ACYP2: variants seen among roughly 807,000 people sequenced by gnomAD.
ACYP2 encodes the protein acylphosphatase-2.
ACYP2 carries 12 observed loss-of-function variants against 11.2 expected under a neutral mutation model. The observed-to-expected ratio is 1.08, with a 90% CI of 0.69 to 1.74. The LOEUF (loss-of-function observed/expected upper bound fraction) is 1.74, where lower values mean the gene tolerates loss of function less well. Ranked by LOEUF, ACYP2 falls within the 40% of genes most tolerant of loss-of-function variation. The pLI is 0.00. For synonymous variants in ACYP2, 43 were observed against 32.2 expected, an observed-to-expected ratio of 1.33 and a Z score of -1.13; for missense variants, 134 against 101.9, an observed-to-expected ratio of 1.31 and a Z score of -1.35.
chr2:54,100,753 C>T (rs1170506020), intron 4 of ACYP2, among the ~76,000 whole-genome samples: 2 of 152,152 alleles, frequency 1.3e-5, no homozygotes, highest in African/African-American at 2.4e-5. Flanking sequence ...AGCCGATTCA[C>T]AGGGAACTAT....
intron 6 of ACYP2, among the ~76,000 whole-genome samples, chr2:54,201,646 CTT>C (rs1250413188): frequency 2.7e-5 from 2 of 75,006 alleles, no homozygotes; most frequent in African/African-American, 5.0e-5. Flanking sequence ...CTCTTTCTTT[CTT>C]TCTTTCTTTC....
chr2:54,103,033 G>T (rs1678981855), intron 4 of ACYP2, among the ~76,000 whole-genome samples: 1 of 152,136 alleles, frequency 6.6e-6, no homozygotes, highest in Non-Finnish European at 1.5e-5. Flanking sequence ...TGGGTTATAT[G>T]CCACCCCTGC....
intron 6 of ACYP2, among the ~76,000 whole-genome samples, chr2:54,169,321 C>T (rs1009881881): frequency 1.3e-5 from 2 of 152,188 alleles, no homozygotes; most frequent in Non-Finnish European, 1.5e-5. Context: ...GCTTGGAGCA[C>T]ACCCATGAGA....
At chr2:54,249,956 A>G (rs1292876806) in intron 6 of ACYP2, among the ~76,000 whole-genome samples, 1 of 151,282 alleles carries the variant, frequency 6.6e-6, no homozygotes, top group Non-Finnish European at 1.5e-5. Context: ...AAAAAAAAAA[A>G]AAAAAAAAAA....
At chr2:54,085,269 C>T (rs1004760072) in intron 4 of ACYP2, among the ~76,000 whole-genome samples, 1 of 152,076 alleles carries the variant, frequency 6.6e-6, no homozygotes, top group Non-Finnish European at 1.5e-5. Context: ...GGCGGGTCCA[C>T]GTGGTGGCAC....
At chr2:54,198,477 GC>G (rs1290388521) in intron 6 of ACYP2, among the ~76,000 whole-genome samples, 1 of 152,092 alleles carries the variant, frequency 6.6e-6, no homozygotes, top group Non-Finnish European at 1.5e-5. Context: ...AAATGTGGGG[GC>G]TCTTGTTCAA....
intron 4 of ACYP2, among the ~76,000 whole-genome samples, chr2:54,107,327 C>T (rs1349616756): frequency 6.6e-6 from 1 of 152,038 alleles, no homozygotes; most frequent in Non-Finnish European, 1.5e-5. Flanking sequence ...TATAATCTTT[C>T]AACAGCAATT....
intron 6 of ACYP2, among the ~76,000 whole-genome samples, chr2:54,242,299 C>G (rs1686760751): frequency 6.6e-6 from 1 of 152,180 alleles, no homozygotes; most frequent in African/African-American, 2.4e-5. Flanking sequence ...ATAGAATACC[C>G]TTTGAGAATT....
intron 6 of ACYP2, among the ~76,000 whole-genome samples, chr2:54,267,039 C>T (rs1688063252): frequency 6.6e-6 from 1 of 152,196 alleles, no homozygotes; most frequent in Non-Finnish European, 1.5e-5. Context: ...CCATTCTCAG[C>T]TACAAAAGAG....
At chr2:54,095,372 C>T (rs1231029857) in intron 4 of ACYP2, among the ~76,000 whole-genome samples, 1 of 152,270 alleles carries the variant, frequency 6.6e-6, no homozygotes, top group Non-Finnish European at 1.5e-5. Context: ...CCATTGTCAT[C>T]CTGGCCCGTT....
intron 6 of ACYP2, among the ~76,000 whole-genome samples, chr2:54,200,938 A>G (rs1001288334): frequency 1.3e-5 from 2 of 152,088 alleles, no homozygotes. Context: ...CTTTTTTATT[A>G]TAACTATTCT....
intron 6 of ACYP2, among the ~76,000 whole-genome samples, chr2:54,150,061 T>TA (rs1194516704): frequency 6.6e-6 from 1 of 152,166 alleles, no homozygotes; most frequent in Admixed American, 6.5e-5. Context: ...TAAATGTATA[T>TA]AATGGTGGAA....
chr2:54,034,152 G>GTT (rs1674744965), intron 2 of ACYP2, among the ~76,000 whole-genome samples: 1 of 152,202 alleles, frequency 6.6e-6, no homozygotes, highest in African/African-American at 2.4e-5. Flanking sequence ...GAGGTCAGGA[G>GTT]TTTGAGACCA....
chr2:54,293,653 G>T (rs1689403861), intron 6 of ACYP2, among the ~76,000 whole-genome samples: 1 of 152,188 alleles, frequency 6.6e-6, no homozygotes, highest in Non-Finnish European at 1.5e-5. Flanking sequence ...GTTATTAATG[G>T]CCAGATGTTG....
chr2:54,280,659 G>A (rs1003727858), intron 6 of ACYP2, among the ~76,000 whole-genome samples: 2 of 152,136 alleles, frequency 1.3e-5, no homozygotes, highest in African/African-American at 4.8e-5. Context: ...CAAGTAAGAT[G>A]GCAAAACAAT....
intron 6 of ACYP2, among the ~76,000 whole-genome samples, chr2:54,177,827 C>A (rs1022910538): frequency 6.7e-6 from 1 of 150,272 alleles, no homozygotes; most frequent in Non-Finnish European, 1.5e-5. Flanking sequence ...GATTCGCCCC[C>A]ACTCGGCCTC....
intron 6 of ACYP2, among the ~76,000 whole-genome samples, chr2:54,222,825 A>C (rs550136275): frequency 6.6e-6 from 1 of 152,234 alleles, no homozygotes; most frequent in African/African-American, 2.4e-5. Flanking sequence ...GTCTGAGTGT[A>C]AAGCTCAACC....
chr2:54,109,298 A>G (rs1679330555), intron 4 of ACYP2, among the ~76,000 whole-genome samples: 1 of 152,246 alleles, frequency 6.6e-6, no homozygotes, highest in South Asian at 2.1e-4. Context: ...TTCTAAGTGA[A>G]GTAACCCAGG....
chr2:54,058,185 C>G (rs1301058988), intron 4 of ACYP2, among the ~76,000 whole-genome samples: 2 of 151,648 alleles, frequency 1.3e-5, no homozygotes, highest in African/African-American at 4.8e-5. Context: ...ATGATACAAG[C>G]TAAAATGTGA....
Sources: gnomAD v4.1 joint callset for allele counts (sites outside exome capture counted in the v4.1 genomes callset) on GRCh38, gnomAD v4.1.1 for gene constraint, MANE v1.5 for transcripts, NCBI Gene and HGNC (gene_info 2026-07-23, HGNC 2026-07-21) for gene names.